CNTNAP5: variants seen among roughly 807,000 people sequenced by gnomAD.
CNTNAP5 encodes the protein contactin-associated protein-like 5.
A neutral mutation model predicts 150.2 loss-of-function variants in CNTNAP5; 72 were observed. The observed-to-expected ratio is 0.48, with a 90% CI of 0.40 to 0.58. The LOEUF is 0.58. Among genes scored for constraint, CNTNAP5 ranks in the 20% least tolerant of loss-of-function variants. CNTNAP5 has a pLI of 0.00. For missense variants in CNTNAP5, 1,636 were observed against 1,626.2 expected (o/e 1.01, Z -0.10); for synonymous variants, 672 against 619.8 (o/e 1.08, Z -1.25).
chr2:124,819,969 C>T (rs76339372), intron 19 of CNTNAP5, among the ~76,000 whole-genome samples: 12,407 of 152,160 alleles, frequency 0.082, 665 homozygotes, highest in Middle Eastern at 0.19. Context: ...GGTGAAATTG[C>T]ATATCAACTT....
chr2:124,631,311 A>G (rs1269332180), intron 12 of CNTNAP5, among the ~76,000 whole-genome samples: 1 of 152,104 alleles, frequency 6.6e-6, no homozygotes, highest in Non-Finnish European at 1.5e-5. Context: ...ATCATGCTAT[A>G]TAACTTCAAA....
At position 124,220,275 on chromosome 2, in the gene CNTNAP5, C is replaced by T. The variant is rs1413658583; in HGVS notation, c.83-1430C>T. On this transcript the variant is annotated intron_variant, in intron 1 of 23. Coordinates refer to ENST00000682447, the MANE Select transcript of CNTNAP5 (RefSeq NM_001367498.1). ...GTCTAGATTTCATGAAGTCATTGTT[C>T]AATGTCCTATGAAATTAAATGTGTA... Among the ~76,000 whole-genome samples, 3 of 151,934 alleles carry T rather than the reference C, an allele frequency of 2.0e-5. No individual in the cohort carries two copies. The East Asian group carries it at 5.8e-4, about 29-fold the overall frequency.
intron 10 of CNTNAP5, among the ~76,000 whole-genome samples, chr2:124,545,604 A>G (rs982263830): frequency 6.6e-6 from 1 of 152,136 alleles, no homozygotes; most frequent in Non-Finnish European, 1.5e-5. Context: ...ATGAGTCATT[A>G]TCGTGGTGAC....
chr2:124,120,546 C>G (rs1403169015), intron 1 of CNTNAP5, among the ~76,000 whole-genome samples: 2 of 152,168 alleles, frequency 1.3e-5, no homozygotes, highest in Non-Finnish European at 2.9e-5. Flanking sequence ...TAGAAACTAT[C>G]TGGTGTAATC....
At chr2:124,176,842 GTTT>G (rs71394026) in intron 1 of CNTNAP5, among the ~76,000 whole-genome samples, 13 of 119,884 alleles carry the variant, frequency 1.1e-4, no homozygotes, top group Non-Finnish European at 1.0e-4. Context: ...GTTATTGCTG[GTTT>G]TTTTTTTTTT....
chr2:124,026,400 C>G (rs1680889591), intron 1 of CNTNAP5, among the ~76,000 whole-genome samples: 1 of 152,180 alleles, frequency 6.6e-6, no homozygotes, highest in Non-Finnish European at 1.5e-5. Context: ...AATGAGTATG[C>G]ACTAAGTGTA....
At chr2:124,504,687 A>T in intron 8 of CNTNAP5, 131 bp downstream of exon 8, 1 of 757,210 alleles carries the variant, frequency 1.3e-6, no homozygotes, top group East Asian at 2.8e-5. Context: ...ATGTACTCCA[A>T]GTCTGAAGAG....
At chr2:124,085,930 G>A (rs2104680481) in intron 1 of CNTNAP5, among the ~76,000 whole-genome samples, 1 of 152,196 alleles carries the variant, frequency 6.6e-6, no homozygotes, top group Middle Eastern at 3.4e-3. Flanking sequence ...GGTCTGTCTT[G>A]ACATACATTC....
At chr2:124,616,745 A>C (rs1255856574) in intron 12 of CNTNAP5, among the ~76,000 whole-genome samples, 1 of 152,108 alleles carries the variant, frequency 6.6e-6, no homozygotes, top group African/African-American at 2.4e-5. Flanking sequence ...TTTCACTTGA[A>C]TTCTTAGAGG....
At chr2:124,237,250 C>T (rs1439327337) in intron 2 of CNTNAP5, among the ~76,000 whole-genome samples, 4 of 152,242 alleles carry the variant, frequency 2.6e-5, no homozygotes, top group Admixed American at 6.5e-5. Context: ...TTTTGAAAGA[C>T]GGTTGTGAAA....
Position 124,470,641 on chromosome 2 carries a change from C to T in CNTNAP5, c.919-4098C>T, listed in dbSNP as rs140929249. Among the ~76,000 whole-genome samples, 1,053 of 152,176 alleles carry T rather than the reference C, an allele frequency of 6.9e-3. 9 individuals are homozygous for T. The highest frequency in any genetic ancestry group is 0.023 in the African/African-American group (974 of 41,510). ...GGCATCTTCGTTATGAAATCTTTGC[C>T]TGTGCCTATGTCCTGAATGCTATTG... On this transcript the variant is annotated intron_variant, in intron 6 of 23. Transcript: ENST00000682447.
intron 1 of CNTNAP5, among the ~76,000 whole-genome samples, chr2:124,116,998 A>G (rs1307324203): frequency 6.6e-6 from 1 of 152,196 alleles, no homozygotes; most frequent in Non-Finnish European, 1.5e-5. Context: ...TTTTGCCATT[A>G]TTTCCATAGC....
At chr2:124,041,964 T>A (rs1681385204) in intron 1 of CNTNAP5, among the ~76,000 whole-genome samples, 1 of 152,100 alleles carries the variant, frequency 6.6e-6, no homozygotes. Context: ...TGGGTTCAAG[T>A]GATTCTTCTG....
intron 3 of CNTNAP5, among the ~76,000 whole-genome samples, chr2:124,408,031 G>C (rs193112933): frequency 1.3e-5 from 2 of 151,872 alleles, no homozygotes; most frequent in African/African-American, 2.4e-5. Context: ...TGCGCGCACC[G>C]TACGCCAGCC....
At chr2:124,624,451 G>T (rs558973248) in intron 12 of CNTNAP5, among the ~76,000 whole-genome samples, 1 of 152,146 alleles carries the variant, frequency 6.6e-6, no homozygotes, top group South Asian at 2.1e-4. Context: ...TCTCATTTAT[G>T]TATTCATTTG....
intron 1 of CNTNAP5, among the ~76,000 whole-genome samples, chr2:124,173,645 G>A (rs1684988748): frequency 1.3e-5 from 2 of 152,320 alleles, no homozygotes; most frequent in South Asian, 4.1e-4. Context: ...TCTGAAACTA[G>A]CACAGCTCTG....
At chr2:124,032,938 T>C (rs1268253763) in intron 1 of CNTNAP5, among the ~76,000 whole-genome samples, 3 of 152,172 alleles carry the variant, frequency 2.0e-5, no homozygotes, top group African/African-American at 7.2e-5. Flanking sequence ...GAACTAGTCA[T>C]TAAGGAATGT....
intron 5 of CNTNAP5, among the ~76,000 whole-genome samples, chr2:124,444,950 A>G (rs1255810372): frequency 1.3e-5 from 2 of 152,134 alleles, no homozygotes; most frequent in Admixed American, 1.3e-4. Flanking sequence ...TACATTTTAT[A>G]GATTTATTTG....
intron 10 of CNTNAP5, among the ~76,000 whole-genome samples, chr2:124,540,901 A>C (rs188338963): frequency 1.4e-4 from 21 of 152,270 alleles, no homozygotes; most frequent in Non-Finnish European, 2.8e-4. Flanking sequence ...ACATAAATAG[A>C]GCACCAGGAG....
Sources: allele counts gnomAD v4.1 joint callset (sites outside exome capture counted in the v4.1 genomes callset), GRCh38; gene constraint gnomAD v4.1.1; transcripts MANE v1.5; gene names NCBI Gene and HGNC (gene_info 2026-07-23, HGNC 2026-07-21).